Variants in MSLN observed in about 807,000 individuals in gnomAD.
The protein encoded by MSLN is mesothelin, also known as CAK1 antigen.
MSLN carries 82 observed loss-of-function variants against 72.6 expected under a neutral mutation model. The ratio of observed to expected loss-of-function variants is 1.13; its 90% CI spans 0.94 to 1.36. The LOEUF is 1.36. Ranked by LOEUF, MSLN falls within the 40% of genes most tolerant of loss-of-function variation. The pLI, the probability that MSLN is intolerant of heterozygous loss-of-function variation, is 0.00. For missense variants in MSLN, 1,005 were observed against 847.9 expected (o/e 1.19, Z -2.30); for synonymous variants, 456 against 387.3 (o/e 1.18, Z -2.08).
At chr16:764,204 C>T in intron 6 of MSLN, 61 bp downstream of exon 6, 4 of 1,563,548 alleles carry the variant, frequency 2.6e-6, no homozygotes, top group Non-Finnish European at 3.5e-6. Context: ...TCACAGGCAG[C>T]TCTGCAGTGC....
At chr16:766,010 A>AG (rs760198410) in intron 11 of MSLN, 49 bp from the exon 12 acceptor site, 3 of 1,536,584 alleles carry the variant, frequency 2.0e-6, no homozygotes, top group East Asian at 4.8e-5. Context: ...GGGAGGAAGA[A>AG]GGGGTCAAAC....
Position 765,607 on chromosome 16 carries a change from GCAT to G in MSLN, c.787_789del (p.Ile263del). On this transcript the variant is annotated inframe_deletion, in exon 10 of 18. Coordinates refer to ENST00000545450, the MANE Select transcript of MSLN (RefSeq NM_005823.6). ...GTGCTGGGCCAGCCCATCATCCGCA[GCAT>G]CCCGCAGGTGAGACCCCAATCCCCA... The G allele has an allele frequency of 6.2e-7, 1 of 1,603,574 alleles. No homozygotes were observed. Among genetic ancestry groups the G allele is most frequent in the Admixed American group, 1.7e-5 (1 of 59,926 alleles).
intron 6 of MSLN, 98 bp from the exon 7 acceptor site, chr16:764,549 C>G (rs2041578226): frequency 2.0e-6 from 2 of 1,006,416 alleles, no homozygotes; most frequent in Non-Finnish European, 3.2e-6. Flanking sequence ...GTGGCCAGGG[C>G]AGGGGTGTGT....
rs750976164 is a variant in MSLN at position 768,636 on chromosome 16, C to T, written c.1784-12C>T. On this transcript the variant is annotated splice_polypyrimidine_tract_variant and intron_variant, in intron 17 of 17. Transcript: ENST00000545450. ...TGGAGGTGGGCGCTCTGAGTCACCC[C>T]TCTCTCTGTAGAGGCCCTCTCGGGG... 3 of 1,611,244 alleles carry T rather than the reference C, an allele frequency of 1.9e-6. No homozygotes were observed. The African/African-American group carries it at 4.0e-5, about 22-fold the overall frequency.
intron 6 of MSLN, among the ~76,000 whole-genome samples, chr16:764,374 C>A (rs562326721): frequency 8.5e-5 from 13 of 152,298 alleles, no homozygotes; most frequent in Middle Eastern, 6.8e-3. Context: ...TGTGCTGGGC[C>A]CCCTCCTGGA....
Position 768,476 on chromosome 16 carries a change from G to GGCA in MSLN, c.1697_1699dup (p.Gln566dup), listed in dbSNP as rs2041671565. 1 of 1,570,754 alleles carries GGCA rather than the reference G, an allele frequency of 6.4e-7. No homozygotes were observed. The highest frequency in any genetic ancestry group is 1.4e-5 in the African/African-American group (1 of 74,064). ...CGCCCGGTGCGGGACTGGATCCTAC[G>GGCA]GCAGCGGCAGGACGACCTGGACACG... is the stretch of plus-strand genomic sequence containing the variant. On this transcript the variant is annotated inframe_insertion, in exon 17 of 18. Transcript: ENST00000545450.
intron 5 of MSLN, 84 bp from the exon 6 acceptor site, chr16:763,939 G>A (rs1293653112): frequency 6.4e-6 from 10 of 1,555,148 alleles, no homozygotes; most frequent in Non-Finnish European, 8.6e-6. Flanking sequence ...TTGGGGAGAG[G>A]TGGGGCTGTG....
chr16:763,570 G>C (rs905624430), intron 4 of MSLN, 72 bp from the exon 5 acceptor site: 1 of 1,438,248 alleles, frequency 7.0e-7, no homozygotes, highest in Non-Finnish European at 9.5e-7. Flanking sequence ...CTGGCCCAGG[G>C]GTAGCGGGAC....
At chr16:763,840 G>T in intron 5 of MSLN, 149 bp downstream of exon 5, 1 of 162,848 alleles carries the variant, frequency 6.1e-6, no homozygotes, top group South Asian at 1.2e-4. Context: ...CTGCGGGAGG[G>T]ACTGACACCC....
In MSLN at chr16:765,755, C is replaced by T. The variant is rs775293630; in HGVS notation, c.860C>T (p.Thr287Ile). ...RDPSWRQPER[T>I]ILRPRFRREV... ...CCATCCTGGCGGCAGCCTGAACGGA[C>T]CATCCTCCGGCCGCGGTTCCGGCGG... The change falls in exon 11 of 18, where the codon ACC becomes ATC. Residue 287 changes from threonine to isoleucine, a missense_variant. Transcript: ENST00000545450. 4.4e-6 allele frequency: 7 copies of T among 1,600,512 alleles called. No homozygotes were observed. The highest frequency in any genetic ancestry group is 1.1e-5 in the South Asian group (1 of 91,072).
chr16:761,553 C>G (rs1374074203), intron 2 of MSLN, among the ~76,000 whole-genome samples: 1 of 152,196 alleles, frequency 6.6e-6, no homozygotes. Context: ...CCCCTGTGAT[C>G]CGATGGCCAC....
intron 15 of MSLN, 41 bp downstream of exon 15, chr16:767,053 G>T: frequency 1.2e-6 from 2 of 1,610,850 alleles, no homozygotes; most frequent in South Asian, 1.1e-5. Flanking sequence ...CAACACAACG[G>T]GGGAAGCACA....
At chr16:763,594 C>T (rs2151614117) in intron 4 of MSLN, 48 bp from the exon 5 acceptor site, 2 of 1,542,004 alleles carry the variant, frequency 1.3e-6, no homozygotes, top group South Asian at 2.4e-5. Context: ...GGAACTCCTG[C>T]TCCAGAGAGC....
Position 768,402 on chromosome 16 carries a change from G to A in MSLN, c.1620G>A (p.Gln540=). 1 of 1,509,764 alleles carries A rather than the reference G, an allele frequency of 6.6e-7. No individual in the cohort carries two copies. The highest frequency in any genetic ancestry group is 8.9e-7 in the Non-Finnish European group (1 of 1,127,930). 93.5% of individuals were successfully genotyped at this position (1,509,764 alleles called of 1,614,324 possible). A position where few individuals can be genotyped will look rare whatever the true frequency, so the allele number is the denominator to read the frequency against. Residue 540 remains glutamine (Q), a synonymous_variant, in exon 17 of 18, where the codon CAG becomes CAA. Coordinates refer to ENST00000545450, the MANE Select transcript of MSLN (RefSeq NM_005823.6). Reference sequence around the variant, plus strand: ...AGCCGTTGACTGTGGCTGAGGTGCAGAAACTTCTGGGACCCCACGTGGAGG... The same window carrying A: ...AGCCGTTGACTGTGGCTGAGGTGCAAAAACTTCTGGGACCCCACGTGGAGG... ...AVLPLTVAEV[Q]KLLGPHVEGL... is the part of the protein sequence containing the mutation.
chr16:765,392 A>G, intron 9 of MSLN, 89 bp downstream of exon 9: 3 of 1,432,270 alleles, frequency 2.1e-6, no homozygotes, highest in Non-Finnish European at 1.9e-6. Context: ...CTCAAGGCCC[A>G]GGGTCAGTCA....
Position 768,522 on chromosome 16 carries a change from C to G in MSLN, c.1740C>G (p.Gly580=), listed in dbSNP as rs369475509. 6.3e-6 allele frequency: 10 copies of G among 1,598,576 alleles called. No individual in the cohort carries two copies. The South Asian group carries it at 1.1e-4, about 18-fold the overall frequency. Residue 580 remains glycine, a synonymous_variant, in exon 17 of 18, where the codon GGC becomes GGG. Coordinates refer to ENST00000545450, the MANE Select transcript of MSLN (RefSeq NM_005823.6). ...ACACGCTGGGGCTGGGGCTACAGGG[C>G]GGCATCCCCAACGGCTACCTGGTCC... ...DLDTLGLGLQ[G]GIPNGYLVLD... is the part of the protein sequence containing the mutation.
chr16:765,587 G>T lies in MSLN; in HGVS notation c.765G>T (p.Leu255=). The part of the protein sequence containing the change: ...MDALRGLLPV[L]GQPIIRSIPQ... ...CTCTGCGGGGCCTGCTGCCCGTGCT[G>T]GGCCAGCCCATCATCCGCAGCATCC... Residue 255 remains leucine (L), a synonymous_variant, in exon 10 of 18, where the codon CTG becomes CTT. Transcript: ENST00000545450. 6.2e-7 allele frequency: 1 copy of T among 1,605,576 alleles called. No homozygotes were observed.
Position 766,573 on chromosome 16 carries a change from C to T in MSLN, c.1230+83C>T, listed in dbSNP as rs529950272. On this transcript the variant is annotated intron_variant, in intron 13 of 17. Coordinates refer to ENST00000545450, the MANE Select transcript of MSLN (RefSeq NM_005823.6). Reference sequence around the variant, plus strand: ...GTGGGGGACAAAGCCTGAGGTTGGGCGGGCCTGGGGTCAGGGGCACGGCCT... The same window carrying T: ...GTGGGGGACAAAGCCTGAGGTTGGGTGGGCCTGGGGTCAGGGGCACGGCCT... The T allele has an allele frequency of 7.9e-4, 1,267 of 1,607,430 alleles. 1 individual carries two copies. The highest frequency in any genetic ancestry group is 9.9e-4 in the Non-Finnish European group (1,160 of 1,177,258).
In MSLN at chr16:768,432, G is replaced by C. The variant is rs559678507; in HGVS notation, c.1650G>C (p.Leu550=). Residue 550 remains leucine, a synonymous_variant, in exon 17 of 18, where the codon CTG becomes CTC. Transcript: ENST00000545450. The part of the protein sequence containing the change: ...QKLLGPHVEG[L]KAEERHRPVR... ...TTCTGGGACCCCACGTGGAGGGCCT[G>C]AAGGCGGAGGAGCGGCACCGCCCGG... is the stretch of plus-strand genomic sequence containing the variant. The C allele has an allele frequency of 5.7e-5, 86 of 1,521,668 alleles. No homozygotes were observed. The South Asian group carries it at 9.7e-4, about 17-fold the overall frequency. The allele number at this position is 1,521,668 out of a possible 1,614,324, so 94.3% of individuals were successfully genotyped here.
Sources: gnomAD v4.1 joint callset for allele counts (sites outside exome capture counted in the v4.1 genomes callset) on GRCh38, gnomAD v4.1.1 for gene constraint, MANE v1.5 for transcripts, NCBI Gene and HGNC (gene_info 2026-07-23, HGNC 2026-07-21) for gene names.